VPS26A: variants seen among roughly 807,000 people sequenced by gnomAD.
VPS26A encodes the protein vacuolar protein sorting-associated protein 26A.
VPS26A carries 22 observed loss-of-function variants against 42.4 expected under a neutral mutation model. That is an observed-to-expected ratio of 0.52 (90% CI 0.37 to 0.74). The LOEUF is 0.74. VPS26A is among the 30% of genes least tolerant of loss of function. The pLI is 0.00. For synonymous variants in VPS26A, 110 were observed against 123.5 expected (o/e 0.89, Z 0.73); for missense variants, 276 against 379.2 (o/e 0.73, Z 2.26).
rs552694577 is a variant in VPS26A, at chr10:69,128,458, C to A, written c.3+4178C>A. 1.1e-4 allele frequency among the ~76,000 whole-genome samples: 16 copies of A among 151,916 alleles called. No individual in the cohort carries two copies. In the East Asian group the frequency reaches 3.1e-3, roughly 30 times the overall value. On this transcript the variant is annotated intron_variant, in intron 1 of 8. Transcript: ENST00000263559. ...TGTTAGTCAGGATGGTCTCGATCTC[C>A]TGACCTTGTGATCCTCCTGCTTCGG...
rs780375401 is a variant in VPS26A, at chr10:69,157,046, A to G, written c.269A>G (p.Asn90Ser). The G allele has an allele frequency of 6.2e-7, 1 of 1,612,690 alleles. No homozygotes were observed. Among genetic ancestry groups the G allele is most frequent in the East Asian group, 2.2e-5 (1 of 44,792 alleles). Residue 90 changes from asparagine to serine, a missense_variant, in exon 4 of 9, where the codon AAC becomes AGC. Coordinates refer to ENST00000263559, the MANE Select transcript of VPS26A (RefSeq NM_004896.5). ...NDKSNTHEFV[N>S]LVKELALPGE... is the part of the protein sequence containing the mutation. ...AAGAGTAATACTCATGAATTTGTAA[A>G]CCTAGTGAAAGAACTAGCCTTACCT...
chr10:69,133,676 TTTTG>T (rs1364213728), intron 2 of VPS26A: 1 of 1,074,766 alleles, frequency 9.3e-7, no homozygotes, highest in East Asian at 5.9e-5. Context: ...TTTTTGGGTT[TTTTG>T]TTTTGTTTTG....
chr10:69,165,978 G>A lies in VPS26A; in HGVS notation c.659-64G>A, dbSNP rs1024574547. On this transcript the variant is annotated intron_variant, in intron 6 of 8. Transcript: ENST00000263559. ...AAATAATGTAGTGGAAAAATAAGAA[G>A]GCATAAGGCTAGTAATTATATTCTG... is the stretch of plus-strand genomic sequence containing the variant. 18 of 1,452,240 alleles carry A rather than the reference G, an allele frequency of 1.2e-5. No homozygotes were observed. The African/African-American group carries it at 2.4e-4, about 20-fold the overall frequency. The allele number at this position is 1,452,240 out of a possible 1,614,324, so 90.0% of individuals were successfully genotyped here.
At position 69,133,595 on chromosome 10, in the gene VPS26A, C is replaced by T. The variant is rs565355636; in HGVS notation, c.153+548C>T. 34 of 1,289,570 alleles carry T rather than the reference C, an allele frequency of 2.6e-5. No individual in the cohort carries two copies. The East Asian group carries it at 3.3e-4, about 13-fold the overall frequency. The allele number at this position is 1,289,570 out of a possible 1,614,324, so 79.9% of individuals were successfully genotyped here. On this transcript the variant is annotated intron_variant, in intron 2 of 8. Transcript: ENST00000263559. Reference sequence around the variant, plus strand: ...TATGCATGGTCAGATATGTTTATGACGCCTTCTATAAGGTTTCACTTTTTT... The same window carrying T: ...TATGCATGGTCAGATATGTTTATGATGCCTTCTATAAGGTTTCACTTTTTT...
At chr10:69,153,470 A>G (rs564368436) in intron 2 of VPS26A, among the ~76,000 whole-genome samples, 2 of 151,144 alleles carry the variant, frequency 1.3e-5, no homozygotes, top group South Asian at 2.1e-4. Context: ...CAGTCTCCCT[A>G]GTAGCTGGGA....
chr10:69,166,246 T>G, intron 7 of VPS26A, 136 bp downstream of exon 7: 1 of 750,416 alleles, frequency 1.3e-6, no homozygotes, highest in Non-Finnish European at 2.1e-6. Flanking sequence ...TAAGGTCATC[T>G]TTGTACAGCT....
chr10:69,135,221 CAT>C, intron 2 of VPS26A, among the ~76,000 whole-genome samples: 1 of 152,310 alleles, frequency 6.6e-6, no homozygotes, highest in South Asian at 2.1e-4. Flanking sequence ...CCATAAAATA[CAT>C]GATAGTGTTG....
At chr10:69,168,136 G>T (rs1424919775) in intron 7 of VPS26A, among the ~76,000 whole-genome samples, 1 of 152,180 alleles carries the variant, frequency 6.6e-6, no homozygotes, top group Non-Finnish European at 1.5e-5. Flanking sequence ...CTGAAGCCAG[G>T]TATTCTGACT....
At chr10:69,130,848 T>C (rs1433926097) in intron 1 of VPS26A, among the ~76,000 whole-genome samples, 1 of 152,254 alleles carries the variant, frequency 6.6e-6, no homozygotes, top group East Asian at 1.9e-4. Context: ...TTCATTCTTG[T>C]GTGTAGTTGT....
rs1235088784 is a variant in VPS26A, at chr10:69,173,206, G to GT, written c.*1939dup. Among the ~76,000 whole-genome samples, 1 of 152,166 alleles carries GT rather than the reference G, an allele frequency of 6.6e-6. No individual in the cohort carries two copies. The highest frequency in any genetic ancestry group is 2.4e-5 in the African/African-American group (1 of 41,432). ...AAGAAATTTGTGTCTTTAATGAAGA[G>GT]TTACAATGTCTAATCCATTGGTTCT... On this transcript the variant is annotated 3_prime_UTR_variant, in exon 9 of 9. Transcript: ENST00000263559.
chr10:69,149,710 A>G (rs1841248550), intron 2 of VPS26A, among the ~76,000 whole-genome samples: 1 of 139,218 alleles, frequency 7.2e-6, no homozygotes, highest in Non-Finnish European at 1.5e-5. Flanking sequence ...AGACCATGGA[A>G]TGTTAACTTT....
At chr10:69,170,469 T>C (rs1174439388) in intron 8 of VPS26A, 3 of 152,076 alleles carry the variant, frequency 2.0e-5, no homozygotes. Flanking sequence ...GCAAATAATT[T>C]TAGGAATTTA....
chr10:69,133,178 T>C, intron 2 of VPS26A, 131 bp downstream of exon 2: 1 of 943,002 alleles, frequency 1.1e-6, no homozygotes, highest in Non-Finnish European at 1.5e-6. Flanking sequence ...AAAGTTCAGC[T>C]AAAATATTTG....
intron 1 of VPS26A, among the ~76,000 whole-genome samples, chr10:69,130,044 T>C (rs560311008): frequency 8.5e-5 from 13 of 152,214 alleles, no homozygotes; most frequent in Non-Finnish European, 1.8e-4. Context: ...ATAAATTCCA[T>C]TGATATAGTT....
chr10:69,129,418 G>A (rs1840727977), intron 1 of VPS26A, among the ~76,000 whole-genome samples: 1 of 152,030 alleles, frequency 6.6e-6, no homozygotes, highest in Admixed American at 6.6e-5. Flanking sequence ...ACCTATCACT[G>A]ATGATTTTCA....
rs1387729272 is a variant in VPS26A, at chr10:69,136,254, TTTTTC to T, written c.153+3222_153+3226del. ...AATGTCTGGTTTTCTTTCTCTGTCA[TTTTTC>T]TTTTCTTTTCTTTTTTTTTTTTTGA... On this transcript the variant is annotated intron_variant, in intron 2 of 8. Coordinates refer to ENST00000263559, the MANE Select transcript of VPS26A (RefSeq NM_004896.5). Among the ~76,000 whole-genome samples the T allele has an allele frequency of 6.0e-5, 9 of 150,384 alleles. No individual in the cohort carries two copies. In the East Asian group the frequency reaches 7.8e-4, roughly 13 times the overall value.
rs767465234 is a variant in VPS26A at position 69,171,504 on chromosome 10, C to CT, written c.*246dup. 9,072 of 287,780 alleles carry CT rather than the reference C, an allele frequency of 0.032. 46 individuals are homozygous for CT. Among genetic ancestry groups the CT allele is most frequent in the Non-Finnish European group, 0.042 (6,609 of 158,914 alleles). The allele number at this position is 287,780 out of a possible 1,614,324, so 17.8% of individuals were successfully genotyped here. ...AAACACTGGAACTTTGTTAAGCTGCCTTTTTTTTTTTAACTTCCTACTTTG... is the reference window on the plus strand; with the variant it reads ...AAACACTGGAACTTTGTTAAGCTGCCTTTTTTTTTTTTAACTTCCTACTTTG... On this transcript the variant is annotated 3_prime_UTR_variant, in exon 9 of 9. Transcript: ENST00000263559.
chr10:69,169,396 G>A (rs777858306), intron 8 of VPS26A, among the ~76,000 whole-genome samples: 1 of 152,050 alleles, frequency 6.6e-6, no homozygotes, highest in South Asian at 2.1e-4. Context: ...CTGTCATAAT[G>A]TCCATGAGAT....
chr10:69,137,822 A>G (rs1335602206), intron 2 of VPS26A, among the ~76,000 whole-genome samples: 2 of 150,394 alleles, frequency 1.3e-5, no homozygotes, highest in African/African-American at 5.0e-5. Context: ...ATGAAAGGAC[A>G]TGGGGGCCCT....
Sources: allele counts gnomAD v4.1 joint callset (sites outside exome capture counted in the v4.1 genomes callset), GRCh38; gene constraint gnomAD v4.1.1; transcripts MANE v1.5; gene names NCBI Gene and HGNC (gene_info 2026-07-23, HGNC 2026-07-21).